Variants in TFCP2L1 observed in about 807,000 individuals in gnomAD.
TFCP2L1 encodes the protein transcription factor CP2-like protein 1.
A neutral mutation model predicts 72.2 loss-of-function variants in TFCP2L1; 12 were observed. The ratio of observed to expected loss-of-function variants is 0.17; its 90% confidence interval spans 0.11 to 0.27. The LOEUF is 0.27. Ranked by LOEUF, TFCP2L1 falls within the 10% of genes least tolerant of loss-of-function variation. The pLI, the probability that TFCP2L1 is intolerant of heterozygous loss-of-function variation, is 1.00. For missense variants in TFCP2L1, 488 were observed against 624.6 expected, an observed-to-expected ratio of 0.78 and a Z score of 2.33; for synonymous variants, 260 against 251.0, an observed-to-expected ratio of 1.04 and a Z score of -0.34.
intron 13 of TFCP2L1, among the ~76,000 whole-genome samples, chr2:121,227,092 G>C (rs1184723114): frequency 6.6e-6 from 1 of 152,178 alleles, no homozygotes; most frequent in Non-Finnish European, 1.5e-5. Flanking sequence ...CAAACAAAAT[G>C]TGAAATGAAA....
intron 12 of TFCP2L1, 132 bp from the exon 13 acceptor site, chr2:121,232,100 G>T: frequency 1.1e-6 from 1 of 892,242 alleles, no homozygotes; most frequent in South Asian, 1.9e-5. Flanking sequence ...GGACCACACT[G>T]CCACTCTTTT....
rs376798119 is a variant in TFCP2L1 at position 121,249,201 on chromosome 2, C to T, written c.292-114G>A. Reference sequence around the variant, plus strand: ...ACCTTTGAGGCCCCTCCCCCTGGGGCTTCCTTTCCCAGTTCTCAAGCTTTG... The same window carrying T: ...ACCTTTGAGGCCCCTCCCCCTGGGGTTTCCTTTCCCAGTTCTCAAGCTTTG... On this transcript the variant is annotated intron_variant, in intron 3 of 14. Coordinates refer to ENST00000263707, the MANE Select transcript of TFCP2L1 (RefSeq NM_014553.3). 1,494 of 758,124 alleles carry T rather than the reference C, an allele frequency of 2.0e-3. 40 individuals carry two copies. In the South Asian group the frequency reaches 0.028, roughly 14 times the overall value. The allele number at this position is 758,124 out of a possible 1,614,324, so 47.0% of individuals were successfully genotyped here.
At chr2:121,226,484 A>T (rs1686034468) in intron 13 of TFCP2L1, among the ~76,000 whole-genome samples, 1 of 152,092 alleles carries the variant, frequency 6.6e-6, no homozygotes. Flanking sequence ...GGCAACAGAG[A>T]AAAACAACTA....
chr2:121,283,895 T>C (rs931680859), intron 1 of TFCP2L1, among the ~76,000 whole-genome samples: 1 of 152,244 alleles, frequency 6.6e-6, no homozygotes, highest in Non-Finnish European at 1.5e-5. Flanking sequence ...GACATCACCG[T>C]GGTCTGCCGG....
chr2:121,237,357 C>A (rs982600200), intron 10 of TFCP2L1, among the ~76,000 whole-genome samples: 1 of 152,186 alleles, frequency 6.6e-6, no homozygotes, highest in African/African-American at 2.4e-5. Flanking sequence ...AGCCCACCAA[C>A]CCCCCGCAGG....
At chr2:121,268,734 G>GT (rs1051085639) in intron 2 of TFCP2L1, among the ~76,000 whole-genome samples, 2 of 151,186 alleles carry the variant, frequency 1.3e-5, no homozygotes, top group Non-Finnish European at 2.9e-5. Context: ...GTGCCACTCA[G>GT]TTGTTAGGAA....
At chr2:121,255,023 C>T (rs1383991248) in intron 2 of TFCP2L1, among the ~76,000 whole-genome samples, 1 of 152,188 alleles carries the variant, frequency 6.6e-6, no homozygotes, top group Non-Finnish European at 1.5e-5. Context: ...AGAGAGGTTA[C>T]CTGACAGGGG....
At position 121,219,215 on chromosome 2, in the gene TFCP2L1, CAA is replaced by C. The variant is rs1326446980; in HGVS notation, c.*5124_*5125del. On this transcript the variant is annotated 3_prime_UTR_variant, in exon 15 of 15. Coordinates refer to ENST00000263707, the MANE Select transcript of TFCP2L1 (RefSeq NM_014553.3). ...CACTCTCCAGGAGGTCACACAAGAT[CAA>C]AAGAGGATCATCGAGCTACCGAGGG... 2.6e-5 allele frequency: 4 copies of C among 152,404 alleles called. No individual in the cohort carries two copies. Among genetic ancestry groups the C allele is most frequent in the Non-Finnish European group, 4.4e-5 (3 of 68,112 alleles). The allele number at this position is 152,404 out of a possible 1,614,324, so 9.4% of individuals were successfully genotyped here. A position where few individuals can be genotyped will look rare whatever the true frequency, so the allele number is the denominator to read the frequency against.
At chr2:121,273,155 A>G (rs1191628292) in intron 2 of TFCP2L1, among the ~76,000 whole-genome samples, 1 of 152,186 alleles carries the variant, frequency 6.6e-6, no homozygotes, top group African/African-American at 2.4e-5. Context: ...ATTCATTACT[A>G]TACTTAAGAC....
intron 7 of TFCP2L1, among the ~76,000 whole-genome samples, chr2:121,241,870 T>G (rs942614727): frequency 6.6e-6 from 1 of 152,068 alleles, no homozygotes; most frequent in African/African-American, 2.4e-5. Flanking sequence ...AAAAAGCAAG[T>G]TGTGTCTATG....
intron 10 of TFCP2L1, among the ~76,000 whole-genome samples, chr2:121,237,304 C>A (rs967589620): frequency 1.3e-5 from 2 of 152,218 alleles, no homozygotes; most frequent in African/African-American, 4.8e-5. Context: ...AGGGGCCCTG[C>A]ATCACCCTGC....
chr2:121,244,867 A>G (rs1332147626), intron 6 of TFCP2L1, among the ~76,000 whole-genome samples: 1 of 152,178 alleles, frequency 6.6e-6, no homozygotes, highest in Non-Finnish European at 1.5e-5. Context: ...GACTAGGAGA[A>G]GACCACAGCA....
At chr2:121,232,060 T>C (rs1686154930) in intron 12 of TFCP2L1, 92 bp from the exon 13 acceptor site, 4 of 1,425,676 alleles carry the variant, frequency 2.8e-6, no homozygotes. Flanking sequence ...AAGTCCTTTG[T>C]CAAAATGCCA....
At position 121,246,083 on chromosome 2, in the gene TFCP2L1, C is replaced by T. The variant is rs1322100281; in HGVS notation, c.657+735G>A. ...CTGCAAACACCTGCTAGAGCGGCCC[C>T]GGCAGACAGGGCCTACAGGGGCTGG... On this transcript the variant is annotated intron_variant, in intron 6 of 14. Coordinates refer to ENST00000263707, the MANE Select transcript of TFCP2L1 (RefSeq NM_014553.3). Among the ~76,000 whole-genome samples the T allele has an allele frequency of 2.0e-5, 3 of 152,274 alleles. 1 individual carries two copies. Among genetic ancestry groups the T allele is most frequent in the Middle Eastern group, 6.8e-3 (2 of 294 alleles).
intron 8 of TFCP2L1, among the ~76,000 whole-genome samples, 191 bp downstream of exon 8, chr2:121,239,367 C>T (rs1376793848): frequency 2.0e-5 from 3 of 152,170 alleles, no homozygotes; most frequent in Admixed American, 6.5e-5. Flanking sequence ...CTGTCCCACC[C>T]GACAACGTTT....
intron 2 of TFCP2L1, among the ~76,000 whole-genome samples, chr2:121,250,595 G>C (rs1343137917): frequency 6.8e-6 from 1 of 146,832 alleles, no homozygotes; most frequent in African/African-American, 2.6e-5. Flanking sequence ...TTTAATAATT[G>C]GTATTGGCAT....
intron 2 of TFCP2L1, among the ~76,000 whole-genome samples, chr2:121,265,597 C>G (rs940577447): frequency 1.3e-5 from 2 of 151,886 alleles, no homozygotes; most frequent in Non-Finnish European, 2.9e-5. Flanking sequence ...GATTCTCCTG[C>G]TGCAGCTTCC....
intron 13 of TFCP2L1, among the ~76,000 whole-genome samples, chr2:121,231,579 C>T (rs1251988499): frequency 6.6e-6 from 1 of 152,190 alleles, no homozygotes; most frequent in East Asian, 1.9e-4. Flanking sequence ...GGAGTCTGTC[C>T]TCCTGGCTCC....
At chr2:121,257,075 G>T (rs1354313001) in intron 2 of TFCP2L1, among the ~76,000 whole-genome samples, 1 of 152,204 alleles carries the variant, frequency 6.6e-6, no homozygotes, top group East Asian at 1.9e-4. Flanking sequence ...ACCCTACACT[G>T]TCAGGCTGTT....
Sources: allele counts gnomAD v4.1 joint callset (sites outside exome capture counted in the v4.1 genomes callset), GRCh38; gene constraint gnomAD v4.1.1; transcripts MANE v1.5; gene names NCBI Gene and HGNC (gene_info 2026-07-23, HGNC 2026-07-21).